RIMS2: variants seen among roughly 807,000 people sequenced by gnomAD.
RIMS2 encodes the protein regulating synaptic membrane exocytosis 2.
In RIMS2, 59 loss-of-function variants were observed where a neutral mutation model predicts 174.4. The observed-to-expected ratio is 0.34, with a 90% confidence interval of 0.27 to 0.42. RIMS2 has a LOEUF of 0.42. Among genes scored for constraint, RIMS2 ranks in the 10% least tolerant of loss-of-function variants. RIMS2 has a pLI of 1.00. For synonymous variants in RIMS2, 606 were observed against 572.5 expected, an observed-to-expected ratio of 1.06 and a Z score of -0.84; for missense variants, 1,620 against 1,666.3, an observed-to-expected ratio of 0.97 and a Z score of 0.48.
At chr8:104,076,008 TG>T (rs1197432292) in intron 19 of RIMS2, among the ~76,000 whole-genome samples, 1 of 152,182 alleles carries the variant, frequency 6.6e-6, no homozygotes, top group East Asian at 1.9e-4. Context: ...TCACCTGACG[TG>T]TATGTTTTAT....
At chr8:103,686,877 T>G (rs751684201) in intron 1 of RIMS2, among the ~76,000 whole-genome samples, 8 of 152,144 alleles carry the variant, frequency 5.3e-5, no homozygotes, top group Non-Finnish European at 1.2e-4. Flanking sequence ...TCCTCCTGCC[T>G]CAGCCTCTTG....
intron 3 of RIMS2, among the ~76,000 whole-genome samples, chr8:103,836,396 G>GGAAA (rs1401356013): frequency 6.6e-6 from 1 of 151,916 alleles, no homozygotes; most frequent in African/African-American, 2.4e-5. Flanking sequence ...ACAAAAACAA[G>GGAAA]GAAAGAAAGA....
At chr8:103,935,426 A>G (rs571606464) in intron 12 of RIMS2, among the ~76,000 whole-genome samples, 1 of 152,316 alleles carries the variant, frequency 6.6e-6, no homozygotes, top group South Asian at 2.1e-4. Flanking sequence ...ATACCTCTTC[A>G]TCATTCAAGT....
At chr8:103,792,090 G>C (rs200090891) in intron 3 of RIMS2, among the ~76,000 whole-genome samples, 24 of 152,068 alleles carry the variant, frequency 1.6e-4, no homozygotes, top group African/African-American at 4.1e-4. Flanking sequence ...ATCTACAGAA[G>C]TCTCCACCCC....
At chr8:103,612,709 G>A (rs1389103894) in intron 1 of RIMS2, among the ~76,000 whole-genome samples, 1 of 152,076 alleles carries the variant, frequency 6.6e-6, no homozygotes, top group Non-Finnish European at 1.5e-5. Flanking sequence ...CTCTCAAGTG[G>A]CTGGGATTAC....
At chr8:104,049,533 G>A (rs1246472895) in intron 19 of RIMS2, among the ~76,000 whole-genome samples, 1 of 152,110 alleles carries the variant, frequency 6.6e-6, no homozygotes, top group Non-Finnish European at 1.5e-5. Flanking sequence ...AGGCATGTTG[G>A]TACAGGCAAT....
intron 3 of RIMS2, among the ~76,000 whole-genome samples, chr8:103,793,575 G>C (rs2098521384): frequency 6.6e-6 from 1 of 152,124 alleles, no homozygotes; most frequent in African/African-American, 2.4e-5. Flanking sequence ...TGGATGTTCT[G>C]GCCAGGGCAA....
intron 3 of RIMS2, among the ~76,000 whole-genome samples, chr8:103,806,962 T>C (rs1375722231): frequency 6.6e-6 from 1 of 152,098 alleles, no homozygotes; most frequent in Non-Finnish European, 1.5e-5. Flanking sequence ...GGCCTTGTTA[T>C]GTTTGAGATG....
intron 2 of RIMS2, among the ~76,000 whole-genome samples, chr8:103,757,694 T>A (rs1004400244): frequency 6.6e-6 from 1 of 152,196 alleles, no homozygotes; most frequent in Non-Finnish European, 1.5e-5. Flanking sequence ...AGTAAAGATC[T>A]TGAGATAGGG....
At chr8:103,875,875 T>C (rs928110703) in intron 3 of RIMS2, among the ~76,000 whole-genome samples, 1 of 152,096 alleles carries the variant, frequency 6.6e-6, no homozygotes, top group African/African-American at 2.4e-5. Flanking sequence ...ATGTTAAGAA[T>C]TTTTTCATGT....
intron 3 of RIMS2, among the ~76,000 whole-genome samples, chr8:103,787,877 G>T (rs1441946362): frequency 1.3e-5 from 2 of 151,954 alleles, no homozygotes; most frequent in African/African-American, 4.8e-5. Flanking sequence ...TTCCAACTTG[G>T]TTCCATTCTC....
chr8:104,119,758 A>G (rs1042607904), intron 19 of RIMS2, among the ~76,000 whole-genome samples: 2 of 152,178 alleles, frequency 1.3e-5, no homozygotes, highest in Non-Finnish European at 2.9e-5. Context: ...GTGAGGGCCA[A>G]TTTACTATTC....
At chr8:103,928,113 A>AC (rs1225194412) in intron 11 of RIMS2, among the ~76,000 whole-genome samples, 3 of 151,612 alleles carry the variant, frequency 2.0e-5, no homozygotes, top group African/African-American at 7.2e-5. Context: ...TATATGATAA[A>AC]CTAAATATTA....
intron 17 of RIMS2, among the ~76,000 whole-genome samples, chr8:103,999,546 A>G (rs2095294243): frequency 6.6e-6 from 1 of 151,736 alleles, no homozygotes; most frequent in Non-Finnish European, 1.5e-5. Flanking sequence ...TACCTTACAA[A>G]AATATGGAAA....
chr8:103,732,722 A>G (rs1354930858), intron 2 of RIMS2, among the ~76,000 whole-genome samples: 1 of 152,002 alleles, frequency 6.6e-6, no homozygotes, highest in Non-Finnish European at 1.5e-5. Flanking sequence ...CATCACCACC[A>G]CCGCGGACCT....
chr8:103,588,150 A>G (rs2094063874), intron 1 of RIMS2, among the ~76,000 whole-genome samples: 1 of 151,922 alleles, frequency 6.6e-6, no homozygotes. Flanking sequence ...TCTATTTACA[A>G]AAGTGACAAG....
Position 103,688,374 on chromosome 8 carries a change from C to T in RIMS2, c.177-8712C>T, listed in dbSNP as rs533076865. On this transcript the variant is annotated intron_variant, in intron 1 of 23. Coordinates refer to ENST00000504942, the Ensembl canonical transcript of RIMS2. ...GATCATACAGTTTGTGTACTTTGTT[C>T]TGTTAACGTGGTGTATCACATTGAT... 2.4e-4 allele frequency among the ~76,000 whole-genome samples: 37 copies of T among 152,100 alleles called. No individual in the cohort carries two copies. The South Asian group carries it at 4.1e-3, about 17-fold the overall frequency.
rs188950913 is a variant in RIMS2 at position 103,593,280 on chromosome 8, A to G, written c.176+92218A>G. ...ATTTTTGGATATTGTATGATGTAAT[A>G]TGTTAACATTTAGAATATTTGAAGA... On this transcript the variant is annotated intron_variant, in intron 1 of 23. Transcript: ENST00000504942. Among the ~76,000 whole-genome samples the G allele has an allele frequency of 3.9e-4, 59 of 151,574 alleles. No individual in the cohort carries two copies. The East Asian group carries it at 0.011, about 28-fold the overall frequency.
chr8:103,557,352 T>C (rs1271231138), intron 1 of RIMS2, among the ~76,000 whole-genome samples: 1 of 152,182 alleles, frequency 6.6e-6, no homozygotes, highest in Non-Finnish European at 1.5e-5. Context: ...GCATCAAATG[T>C]TCCATTCCCC....
Sources: gnomAD v4.1 joint callset for allele counts (sites outside exome capture counted in the v4.1 genomes callset) on GRCh38, gnomAD v4.1.1 for gene constraint, MANE v1.5 for transcripts, NCBI Gene and HGNC (gene_info 2026-07-23, HGNC 2026-07-21) for gene names.